The following CSMD3 variants were observed in gnomAD, a reference collection of about 807,000 sequenced individuals.
The protein encoded by CSMD3 is CUB and sushi domain-containing protein 3.
Under a neutral mutation model 435.2 loss-of-function variants are expected in CSMD3, and 177 were observed. That is an observed-to-expected ratio of 0.41 (90% CI 0.36 to 0.46). The LOEUF is 0.46. Among genes scored for constraint, CSMD3 ranks in the 20% least tolerant of loss-of-function variants. The probability of loss-of-function intolerance (pLI) is 0.34; values close to 1 mark genes in which losing one functional copy is unlikely to be tolerated. For synonymous variants in CSMD3, 1,656 were observed against 1,520.5 expected (o/e 1.09, Z -2.07); for missense variants, 4,265 against 4,504.6 (o/e 0.95, Z 1.52).
Position 112,341,516 on chromosome 8 carries a change from A to G in CSMD3, c.6613T>C (p.Tyr2205His), listed in dbSNP as rs1349460069. 3 of 1,613,130 alleles carry G rather than the reference A, an allele frequency of 1.9e-6. No homozygotes were observed. Among genetic ancestry groups the G allele is most frequent in the East Asian group, 2.2e-5 (1 of 44,844 alleles). Residue 2205 changes from tyrosine (Y) to histidine (H), a missense_variant, in exon 42 of 71, where the codon TAT (tyrosine) becomes CAT (histidine). This residue lies in a region of CSMD3 where 3,255 missense variants were observed against 3,380.2 expected (regional missense o/e 0.96). Transcript: ENST00000297405. ...TGAAACCCTTGTTTGTTTTGTGAAT[A>G]GTCACTGTGAAAATATAAGCTGGTT... ...HETSLYFHSDYSQNKQGFHIV... is the reference protein window; with the variant it reads ...HETSLYFHSDHSQNKQGFHIV...
intron 6 of CSMD3, among the ~76,000 whole-genome samples, chr8:112,998,842 T>A (rs1439874441): frequency 4.0e-5 from 6 of 151,828 alleles, no homozygotes. Context: ...GTATAGCACC[T>A]CCCCACTCTC....
chr8:112,551,063 T>G (rs1299132372), intron 26 of CSMD3, among the ~76,000 whole-genome samples, 190 bp from the exon 27 acceptor site: 2 of 152,088 alleles, frequency 1.3e-5, no homozygotes, highest in African/African-American at 4.8e-5. Flanking sequence ...TTTAGAATAT[T>G]ATTAAATACA....
intron 22 of CSMD3, among the ~76,000 whole-genome samples, chr8:112,616,367 T>C (rs954744720): frequency 1.3e-5 from 2 of 152,172 alleles, no homozygotes; most frequent in Non-Finnish European, 2.9e-5. Context: ...TAATGACATC[T>C]ACATATATAG....
At chr8:112,994,665 T>C (rs2085579025) in intron 6 of CSMD3, among the ~76,000 whole-genome samples, 1 of 151,560 alleles carries the variant, frequency 6.6e-6, no homozygotes, top group South Asian at 2.1e-4. Context: ...CATGGATTTG[T>C]CTCCAAGTCT....
intron 31 of CSMD3, among the ~76,000 whole-genome samples, chr8:112,477,008 A>C (rs529001932): frequency 6.6e-6 from 1 of 152,326 alleles, no homozygotes; most frequent in African/African-American, 2.4e-5. Flanking sequence ...TGTACATAGT[A>C]GGCTCTCCAT....
intron 13 of CSMD3, among the ~76,000 whole-genome samples, chr8:112,796,975 G>T (rs760517229): frequency 6.6e-6 from 1 of 151,914 alleles, no homozygotes; most frequent in Non-Finnish European, 1.5e-5. Context: ...AATCCTAGTT[G>T]AATAAAAATT....
At chr8:112,255,226 T>C (rs2130273164) in intron 62 of CSMD3, 28 bp downstream of exon 62, 1 of 1,575,378 alleles carries the variant, frequency 6.3e-7, no homozygotes, top group Non-Finnish European at 8.7e-7. Flanking sequence ...ACAGTTACTG[T>C]GCATAATCAG....
In CSMD3 at chr8:112,658,819, G is replaced by A. The variant is rs143957728; in HGVS notation, c.2817-2478C>T. Among the ~76,000 whole-genome samples, 740 of 152,206 alleles carry A rather than the reference G, an allele frequency of 4.9e-3. 7 individuals carry two copies. The highest frequency in any genetic ancestry group is 0.017 in the African/African-American group (705 of 41,528). Reference sequence around the variant, plus strand: ...CTAAAAATACCAAAATTAGCAAGGCGTGGTTGGCGTCTGTAATCCTAGCTA... The same window carrying A: ...CTAAAAATACCAAAATTAGCAAGGCATGGTTGGCGTCTGTAATCCTAGCTA... On this transcript the variant is annotated intron_variant, in intron 17 of 70. Transcript: ENST00000297405.
chr8:113,048,456 G>A (rs562301281), intron 5 of CSMD3, among the ~76,000 whole-genome samples: 5 of 152,000 alleles, frequency 3.3e-5, no homozygotes, highest in African/African-American at 7.3e-5. Context: ...CTTTTCTATG[G>A]ATACTTTTTT....
chr8:112,487,642 GA>G (rs1820272072), intron 31 of CSMD3, among the ~76,000 whole-genome samples: 2 of 152,126 alleles, frequency 1.3e-5, no homozygotes, highest in African/African-American at 2.4e-5. Flanking sequence ...ACTATATGGA[GA>G]ACAAAGGAAG....
chr8:112,291,733 T>C (rs187408096), intron 55 of CSMD3, 38 bp from the exon 56 acceptor site: 2 of 1,281,722 alleles, frequency 1.6e-6, no homozygotes, highest in Non-Finnish European at 2.3e-6. Flanking sequence ...ATGTTTGGAA[T>C]AATATACATA....
intron 1 of CSMD3, among the ~76,000 whole-genome samples, chr8:113,373,324 T>C (rs2094358702): frequency 6.6e-6 from 1 of 152,130 alleles, no homozygotes; most frequent in Non-Finnish European, 1.5e-5. Flanking sequence ...TATTTAAAAA[T>C]AAAATAATTG....
chr8:113,301,952 T>C (rs138275734), intron 2 of CSMD3, among the ~76,000 whole-genome samples: 114 of 151,858 alleles, frequency 7.5e-4, no homozygotes, highest in Admixed American at 1.8e-3. Context: ...ACTTTTCTTA[T>C]ACCCTTTAAC....
chr8:113,233,502 A>G (rs1028325972), intron 3 of CSMD3, among the ~76,000 whole-genome samples: 2 of 150,836 alleles, frequency 1.3e-5, no homozygotes, highest in African/African-American at 4.8e-5. Flanking sequence ...ATAATATGCT[A>G]ATATTAATGT....
chr8:112,229,926 G>A (rs1812938911), intron 69 of CSMD3, among the ~76,000 whole-genome samples: 1 of 151,442 alleles, frequency 6.6e-6, no homozygotes, highest in Non-Finnish European at 1.5e-5. Flanking sequence ...TTAAACTAGA[G>A]AAATAGGAAG....
chr8:112,564,715 A>G (rs1052022709), intron 24 of CSMD3, among the ~76,000 whole-genome samples: 4 of 152,026 alleles, frequency 2.6e-5, no homozygotes, highest in African/African-American at 9.7e-5. Flanking sequence ...GCAGAATCTA[A>G]GCAGAGATAT....
At chr8:112,538,635 TTAAC>T (rs1228280428) in intron 27 of CSMD3, among the ~76,000 whole-genome samples, 1 of 151,912 alleles carries the variant, frequency 6.6e-6, no homozygotes, top group African/African-American at 2.4e-5. Flanking sequence ...AGAAATAAAT[TTAAC>T]TAAAGGAGTG....
chr8:112,301,915 G>C lies in CSMD3; in HGVS notation c.8318C>G (p.Thr2773Ser), dbSNP rs757427870. Residue 2773 changes from threonine (T) to serine (S), a missense_variant, in exon 53 of 71, where the codon ACT (threonine) becomes AGT (serine). Coordinates refer to ENST00000297405, the MANE Select transcript of CSMD3 (RefSeq NM_198123.2). The part of the protein sequence containing the change: ...PTPPNGNKIG[T>S]QTSYGSTAIF... ...AGCTGTTGAGCCATATGAAGTTTGAGTTCCAATCTTATTTCCATTTGGAGG... is the reference window on the plus strand; with the variant it reads ...AGCTGTTGAGCCATATGAAGTTTGACTTCCAATCTTATTTCCATTTGGAGG... 1.1e-5 allele frequency: 18 copies of C among 1,612,556 alleles called. No individual in the cohort carries two copies. The highest frequency in any genetic ancestry group is 1.5e-5 in the Non-Finnish European group (18 of 1,178,658).
intron 23 of CSMD3, among the ~76,000 whole-genome samples, chr8:112,575,523 C>G (rs1447416120): frequency 6.6e-6 from 1 of 151,936 alleles, no homozygotes; most frequent in Non-Finnish European, 1.5e-5. Context: ...TATTTGGATA[C>G]TAGAGGGCTG....
Sources: allele counts gnomAD v4.1 joint callset (sites outside exome capture counted in the v4.1 genomes callset), GRCh38; gene constraint gnomAD v4.1.1; regional missense constraint gnomAD v4.1.1; transcripts MANE v1.5; gene names NCBI Gene and HGNC (gene_info 2026-07-23, HGNC 2026-07-21).